The following OTOG variants were observed in gnomAD, a reference collection of about 807,000 sequenced individuals.
OTOG encodes the protein otogelin.
In OTOG, 296 loss-of-function variants were observed where a neutral mutation model predicts 313.8. That is an observed-to-expected ratio of 0.94 (90% confidence interval 0.86 to 1.04). The LOEUF is 1.04. Ranked by LOEUF, OTOG falls within the 50% of genes least tolerant of loss-of-function variation. The pLI is 0.00. For missense variants in OTOG, 3,948 were observed against 3,840.1 expected, an observed-to-expected ratio of 1.03 and a Z score of -0.74; for synonymous variants, 1,533 against 1,554.9, an observed-to-expected ratio of 0.99 and a Z score of 0.33.
At chr11:17,613,195 T>TTTTCTTTTC (rs1853616442) in intron 38 of OTOG, among the ~76,000 whole-genome samples, 4 of 65,366 alleles carry the variant, frequency 6.1e-5, no homozygotes, top group African/African-American at 1.5e-4. Context: ...TCTTTCTTTC[T>TTTTCTTTTC]TTTCTTTCTT....
At position 17,559,616 on chromosome 11, in the gene OTOG, T is replaced by C. The variant is rs1192557619; in HGVS notation, c.1296T>C (p.Cys432=). The change falls in exon 12 of 56, where the codon TGT becomes TGC. Residue 432 remains cysteine, a synonymous_variant. Coordinates refer to ENST00000399397, the MANE Select transcript of OTOG (RefSeq NM_001292063.2). ...CCTCCTGCCATCCCCGGGCATCCTG[T>C]GTGGACAGTGAGATCGCCTGTGTGG... The part of the protein sequence containing the change: ...CPASCHPRAS[C]VDSEIACVDG... The C allele has an allele frequency of 1.3e-6, 2 of 1,550,792 alleles. No homozygotes were observed. Among genetic ancestry groups the C allele is most frequent in the Admixed American group, 3.9e-5 (2 of 50,988 alleles).
intron 39 of OTOG, among the ~76,000 whole-genome samples, chr11:17,618,034 A>C (rs749410946): frequency 1.3e-5 from 2 of 151,414 alleles, no homozygotes; most frequent in Admixed American, 6.6e-5. Context: ...TGCCTCAGCC[A>C]CCCGAGTAGC....
intron 27 of OTOG, 63 bp from the exon 28 acceptor site, chr11:17,593,984 C>G: frequency 6.5e-7 from 1 of 1,546,226 alleles, no homozygotes; most frequent in East Asian, 2.4e-5. Context: ...CATGGTGACC[C>G]CTCTGCCCGT....
chr11:17,555,357 G>A (rs1466094856), intron 6 of OTOG, among the ~76,000 whole-genome samples: 1 of 152,080 alleles, frequency 6.6e-6, no homozygotes. Flanking sequence ...TGTCATGGGA[G>A]AAATTTATGG....
At chr11:17,644,626 G>T (rs545114009) in intron 54 of OTOG, among the ~76,000 whole-genome samples, 1 of 152,246 alleles carries the variant, frequency 6.6e-6, no homozygotes, top group Admixed American at 6.5e-5. Context: ...ATGCAATGTG[G>T]GGGGCTTCAA....
intron 21 of OTOG, 82 bp downstream of exon 21, chr11:17,576,712 T>C: frequency 6.8e-7 from 1 of 1,463,980 alleles, no homozygotes; most frequent in Non-Finnish European, 9.4e-7. Context: ...GATGGAACTT[T>C]CTGTGAAGGG....
intron 7 of OTOG, 83 bp downstream of exon 7, chr11:17,555,980 C>A: frequency 9.1e-7 from 1 of 1,104,638 alleles, no homozygotes; most frequent in Non-Finnish European, 1.3e-6. Flanking sequence ...TCTTCTCAAG[C>A]CCAAAGGAAA....
In OTOG at chr11:17,590,568, C is replaced by T. The variant is rs188986689; in HGVS notation, c.2868-882C>T. On this transcript the variant is annotated intron_variant, in intron 24 of 55. Coordinates refer to ENST00000399397, the MANE Select transcript of OTOG (RefSeq NM_001292063.2). ...CCCTTGACCGCCTTGAGCTTAGGCT[C>T]GGTGCGGCAGCCAGAGTGGAACATA... Among the ~76,000 whole-genome samples, 330 of 152,334 alleles carry T rather than the reference C, an allele frequency of 2.2e-3. 2 individuals carry two copies. The highest frequency in any genetic ancestry group is 3.4e-3 in the Middle Eastern group (1 of 294).
rs1590049153 is a variant in OTOG at position 17,622,423 on chromosome 11, A to T, written c.6529-6710A>T. Among the ~76,000 whole-genome samples, 4 of 152,318 alleles carry T rather than the reference A, an allele frequency of 2.6e-5. No homozygotes were observed. In the South Asian group the frequency reaches 8.3e-4, roughly 32 times the overall value. On this transcript the variant is annotated intron_variant, in intron 39 of 55. Coordinates refer to ENST00000399397, the MANE Select transcript of OTOG (RefSeq NM_001292063.2). ...TTATCTTTAAATGTATAATTAAATT[A>T]CTATTGACTGTAGTCACCCTGTTGT...
Position 17,557,110 on chromosome 11 carries a change from C to A in OTOG, c.660-8C>A, listed in dbSNP as rs1371142195. 7 of 1,548,784 alleles carry A rather than the reference C, an allele frequency of 4.5e-6. No homozygotes were observed. Among genetic ancestry groups the A allele is most frequent in the Non-Finnish European group, 6.1e-6 (7 of 1,146,936 alleles). On this transcript the variant is annotated splice_polypyrimidine_tract_variant and splice_region_variant and intron_variant, in intron 7 of 55. Coordinates refer to ENST00000399397, the MANE Select transcript of OTOG (RefSeq NM_001292063.2). ...GGATACCCTGAAGCTCTGGGATGTG[C>A]CCTGCAGGGTCCAACTGCCACATGT...
At chr11:17,640,854 A>G in intron 50 of OTOG, 34 bp downstream of exon 50, 1 of 1,549,962 alleles carries the variant, frequency 6.5e-7, no homozygotes, top group Non-Finnish European at 8.7e-7. Flanking sequence ...AGAGCCATGC[A>G]GGAGGGGCAT....
At chr11:17,547,605 C>A in intron 1 of OTOG, 139 bp downstream of exon 1, 2 of 1,261,944 alleles carry the variant, frequency 1.6e-6, no homozygotes, top group South Asian at 6.3e-5. Context: ...CCAGGAGGAG[C>A]AGTCAGGGGA....
At chr11:17,557,768 G>A (rs539431706) in intron 8 of OTOG, among the ~76,000 whole-genome samples, 1 of 152,128 alleles carries the variant, frequency 6.6e-6, no homozygotes, top group African/African-American at 2.4e-5. Flanking sequence ...CCCCTTTTGA[G>A]CACCTACACC....
At chr11:17,627,434 T>A (rs776868589) in intron 39 of OTOG, among the ~76,000 whole-genome samples, 1 of 152,180 alleles carries the variant, frequency 6.6e-6, no homozygotes, top group Non-Finnish European at 1.5e-5. Flanking sequence ...GATTTGCGTA[T>A]GTTGAATCCC....
At chr11:17,594,202 A>T (rs1227724125) in intron 28 of OTOG, 36 bp downstream of exon 28, 1 of 1,550,258 alleles carries the variant, frequency 6.5e-7, no homozygotes, top group Non-Finnish European at 8.7e-7. Flanking sequence ...TATGCCCCTC[A>T]CTCAGATGGG....
Position 17,594,116 on chromosome 11 carries a change from C to G in OTOG, c.3358C>G (p.Leu1120Val). 5 of 1,550,602 alleles carry G rather than the reference C, an allele frequency of 3.2e-6. No homozygotes were observed. Among genetic ancestry groups the G allele is most frequent in the Middle Eastern group, 3.3e-4 (2 of 5,992 alleles). ...CAATGAGATGAGGACCCCGGAGAAC[C>G]TAGAGCTAACTAACCCCCAGGAGTT... is the stretch of plus-strand genomic sequence containing the variant. ...TINEMRTPEN[L>V]ELTNPQEFGS... The change falls in exon 28 of 56, where the codon CTA becomes GTA. Residue 1120 changes from leucine (L) to valine (V), a missense_variant. By Grantham distance (32) the Leu-to-Val change is conservative. Transcript: ENST00000399397.
Position 17,612,693 on chromosome 11 carries a change from C to T in OTOG, c.6366C>T (p.Ala2122=). The T allele has an allele frequency of 1.9e-6, 3 of 1,550,590 alleles. No individual in the cohort carries two copies. The highest frequency in any genetic ancestry group is 2.6e-6 in the Non-Finnish European group (3 of 1,146,970). ...DGSHVALFKE[A]IYILSQSPDE... The stretch of plus-strand genomic sequence containing the variant: ...GCCACGTAGCTCTGTTCAAGGAGGC[C>T]ATCTACATCCTCAGCCAGAGCCCAG... The change falls in exon 38 of 56, where the codon GCC becomes GCT. Residue 2122 remains alanine, a synonymous_variant. Coordinates refer to ENST00000399397, the MANE Select transcript of OTOG (RefSeq NM_001292063.2).
chr11:17,599,087 A>C (rs1490305924), intron 30 of OTOG, among the ~76,000 whole-genome samples: 1 of 152,210 alleles, frequency 6.6e-6, no homozygotes, highest in Non-Finnish European at 1.5e-5. Flanking sequence ...GAGAATCTGC[A>C]GCTGAGGGGC....
chr11:17,587,651 C>T (rs1334470656), intron 24 of OTOG, among the ~76,000 whole-genome samples: 1 of 152,226 alleles, frequency 6.6e-6, no homozygotes, highest in African/African-American at 2.4e-5. Context: ...CACGGTCAAG[C>T]CCATCTGCTC....
Sources: allele counts gnomAD v4.1 joint callset (sites outside exome capture counted in the v4.1 genomes callset), GRCh38; gene constraint gnomAD v4.1.1; transcripts MANE v1.5; gene names NCBI Gene and HGNC (gene_info 2026-07-23, HGNC 2026-07-21).